C1QBP: variants seen among roughly 807,000 people sequenced by gnomAD.
The protein encoded by C1QBP is complement component 1 Q subcomponent-binding protein, mitochondrial.
A neutral mutation model predicts 29.4 loss-of-function variants in C1QBP; 24 were observed. That is an observed-to-expected ratio of 0.82 (90% CI 0.59 to 1.15). C1QBP has a LOEUF of 1.15. Ranked by LOEUF, C1QBP falls within the 50% of genes most tolerant of loss-of-function variation. The probability of loss-of-function intolerance (pLI) is 0.00; values close to 1 mark genes in which losing one functional copy is unlikely to be tolerated. For synonymous variants in C1QBP, 182 were observed against 149.2 expected, an observed-to-expected ratio of 1.22 and a Z score of -1.60; for missense variants, 337 against 355.8, an observed-to-expected ratio of 0.95 and a Z score of 0.43.
In C1QBP at chr17:5,433,780, GAAGTC is replaced by G. The variant is rs1444138320; in HGVS notation, c.478-18_478-14del. 3.1e-6 allele frequency: 5 copies of G among 1,608,102 alleles called. No individual in the cohort carries two copies. Among genetic ancestry groups the G allele is most frequent in the African/African-American group, 1.3e-5 (1 of 74,788 alleles). On this transcript the variant is annotated splice_polypyrimidine_tract_variant and intron_variant, in intron 3 of 5. Transcript: ENST00000225698. Reference sequence around the variant, plus strand: ...ATGTCAGTTCAGGCTGGGGAAACAAGAAGTCAATACATGCTGCTGCTGGAAGGAGA... The same window carrying G: ...ATGTCAGTTCAGGCTGGGGAAACAAGAATACATGCTGCTGCTGGAAGGAGA...
Position 5,439,128 on chromosome 17 carries a change from C to T in C1QBP, c.-55G>A. 2 of 1,531,986 alleles carry T rather than the reference C, an allele frequency of 1.3e-6. No individual in the cohort carries two copies. Among genetic ancestry groups the T allele is most frequent in the Non-Finnish European group, 1.8e-6 (2 of 1,139,656 alleles). The allele number at this position is 1,531,986 out of a possible 1,614,324, so 94.9% of individuals were successfully genotyped here. A position where few individuals can be genotyped will look rare whatever the true frequency, so the allele number is the denominator to read the frequency against. On this transcript the variant is annotated 5_prime_UTR_variant, in exon 1 of 6. Transcript: ENST00000225698. Reference sequence around the variant, plus strand: ...GCAAAGGACAACCCAGGCCTAGGCGCCCCGCGACCTGAGGCGCCGCCGGAA... The same window carrying T: ...GCAAAGGACAACCCAGGCCTAGGCGTCCCGCGACCTGAGGCGCCGCCGGAA...
rs761889160 is a variant in C1QBP, at chr17:5,433,347, G to A, written c.645C>T (p.Gly215=). Residue 215 remains glycine, a synonymous_variant, in exon 5 of 6, where the codon GGC becomes GGT. Transcript: ENST00000225698. ...SIREVSFQST[G]ESEWKDTNYT... is the part of the protein sequence containing the mutation. ...AATTAGTATCCTTCCATTCAGACTC[G>A]CCAGTGGACTGAAAGCTAACTTCCC... is the stretch of plus-strand genomic sequence containing the variant. 12 of 1,614,014 alleles carry A rather than the reference G, an allele frequency of 7.4e-6. No individual in the cohort carries two copies. The highest frequency in any genetic ancestry group is 1.3e-5 in the African/African-American group (1 of 74,970).
Position 5,438,136 on chromosome 17 carries a change from C to T in C1QBP, c.370G>A (p.Val124Ile). ...ACCAGTACTTACTTTTCCCCGGCAA[C>T]TTTCCGCACTAATTTCGCTTCTGTC... ...NGTEAKLVRKVAGEKITVTFN... is the reference protein window; with the variant it reads ...NGTEAKLVRKIAGEKITVTFN... Residue 124 changes from valine to isoleucine, a missense_variant, in exon 2 of 6, where the codon GTT becomes ATT. Coordinates refer to ENST00000225698, the MANE Select transcript of C1QBP (RefSeq NM_001212.4). 6.2e-7 allele frequency: 1 copy of T among 1,612,256 alleles called. No homozygotes were observed. The highest frequency in any genetic ancestry group is 1.1e-5 in the South Asian group (1 of 90,976).
intron 4 of C1QBP, 64 bp downstream of exon 4, chr17:5,433,605 G>C: frequency 6.4e-7 from 1 of 1,562,702 alleles, no homozygotes. Context: ...ATAGGGACAG[G>C]AAGTTCCCAA....
chr17:5,437,821 T>C lies in C1QBP; in HGVS notation c.383+302A>G, dbSNP rs181849522. ...GTTACATATTTTTCATTTTCACCCA[T>C]ACTAAACATTAGAGAGCAGTGTCCT... is the stretch of plus-strand genomic sequence containing the variant. On this transcript the variant is annotated intron_variant, in intron 2 of 5. Transcript: ENST00000225698. Among the ~76,000 whole-genome samples, 15 of 152,364 alleles carry C rather than the reference T, an allele frequency of 9.8e-5. No individual in the cohort carries two copies. In the East Asian group the frequency reaches 2.7e-3, roughly 27 times the overall value.
intron 2 of C1QBP, among the ~76,000 whole-genome samples, chr17:5,435,332 C>G (rs1015601810): frequency 1.3e-5 from 2 of 152,192 alleles, no homozygotes; most frequent in Non-Finnish European, 2.9e-5. Context: ...ACACTGCCCA[C>G]CCTGGTCTTT....
chr17:5,435,414 T>C (rs898511363), intron 2 of C1QBP, among the ~76,000 whole-genome samples: 1 of 152,098 alleles, frequency 6.6e-6, no homozygotes, highest in African/African-American at 2.4e-5. Flanking sequence ...TTAAGAGACT[T>C]TCCCCGTCAG....
At chr17:5,433,827 G>T in intron 3 of C1QBP, 60 bp from the exon 4 acceptor site, 1 of 1,443,226 alleles carries the variant, frequency 6.9e-7, no homozygotes, top group Non-Finnish European at 9.8e-7. Context: ...GCTGGATCAA[G>T]GATCTCTGTT....
rs1916121405 is a variant in C1QBP, at chr17:5,432,852, A to ATGAT, written c.*159_*162dup. On this transcript the variant is annotated 3_prime_UTR_variant, in exon 6 of 6. Coordinates refer to ENST00000225698, the MANE Select transcript of C1QBP (RefSeq NM_001212.4). ...AAATAATAGATTTGTACAGAAAAAAATGATAATAAATGAGAACACAAAACA... is the reference window on the plus strand; with the variant it reads ...AAATAATAGATTTGTACAGAAAAAAATGATTGATAATAAATGAGAACACAAAACA... 5 of 950,792 alleles carry ATGAT rather than the reference A, an allele frequency of 5.3e-6. No homozygotes were observed. Among genetic ancestry groups the ATGAT allele is most frequent in the African/African-American group, 1.7e-5 (1 of 60,046 alleles). 58.9% of individuals were successfully genotyped at this position (950,792 alleles called of 1,614,324 possible).
rs925979398 is a variant in C1QBP, at chr17:5,433,854, C to T, written c.478-87G>A. The T allele has an allele frequency of 6.3e-6, 7 of 1,108,980 alleles. No individual in the cohort carries two copies. In the Admixed American group the frequency reaches 1.2e-4, roughly 19 times the overall value. 68.7% of individuals were successfully genotyped at this position (1,108,980 alleles called of 1,614,324 possible). ...ATCTCTGTTCAGAGTGTCTGATGGC[C>T]ACCACTATTAGGATATTATGTAGCC... On this transcript the variant is annotated intron_variant, in intron 3 of 5. Transcript: ENST00000225698.
intron 2 of C1QBP, among the ~76,000 whole-genome samples, 165 bp downstream of exon 2, chr17:5,437,958 G>C (rs924297008): frequency 1.3e-5 from 2 of 152,140 alleles, no homozygotes; most frequent in Admixed American, 6.5e-5. Context: ...TCGGTGAATG[G>C]ACTGCCTGGG....
chr17:5,433,643 A>G, intron 4 of C1QBP, 26 bp downstream of exon 4: 1 of 1,605,402 alleles, frequency 6.2e-7, no homozygotes, highest in East Asian at 2.2e-5. Context: ...AGGGGTGCCA[A>G]GAGGCTAGCA....
chr17:5,433,821 G>C, intron 3 of C1QBP, 54 bp from the exon 4 acceptor site: 1 of 1,457,676 alleles, frequency 6.9e-7, no homozygotes, highest in Non-Finnish European at 9.6e-7. Context: ...TGGATGGCTG[G>C]ATCAAGGATC....
Position 5,432,785 on chromosome 17 carries a change from G to A in C1QBP, c.*230C>T. 1.3e-6 allele frequency: 1 copy of A among 772,858 alleles called. No homozygotes were observed. The allele number at this position is 772,858 out of a possible 1,614,324, so 47.9% of individuals were successfully genotyped here. On this transcript the variant is annotated 3_prime_UTR_variant, in exon 6 of 6. Transcript: ENST00000225698. ...GAAAAAGACAAACTGCCTTGGAGGA[G>A]ATAAACCAATTTTATGTCTATCATG...
At position 5,433,168 on chromosome 17, in the gene C1QBP, C is replaced by G. The variant is rs1916144726; in HGVS notation, c.700-4G>C. 1 of 1,610,622 alleles carries G rather than the reference C, an allele frequency of 6.2e-7. No homozygotes were observed. The highest frequency in any genetic ancestry group is 8.5e-7 in the Non-Finnish European group (1 of 1,179,158). ...CCATTAGGTGGTCATATAAGGCCTG[C>G]AAAGAACAATATTTACTAGTTAAAA... On this transcript the variant is annotated splice_polypyrimidine_tract_variant and splice_region_variant and intron_variant, in intron 5 of 5. Transcript: ENST00000225698.
chr17:5,436,299 A>G (rs1482468397), intron 2 of C1QBP, among the ~76,000 whole-genome samples: 1 of 151,358 alleles, frequency 6.6e-6, no homozygotes, highest in Non-Finnish European at 1.5e-5. Flanking sequence ...GAGATTACAG[A>G]AGACACAATT....
intron 2 of C1QBP, among the ~76,000 whole-genome samples, chr17:5,435,947 G>A (rs1916259995): frequency 1.3e-5 from 2 of 148,944 alleles, no homozygotes; most frequent in South Asian, 2.1e-4. Context: ...TCAGGAGGCT[G>A]AGGCAGGAGA....
chr17:5,436,795 G>A (rs537614991), intron 2 of C1QBP, among the ~76,000 whole-genome samples: 36 of 152,250 alleles, frequency 2.4e-4, no homozygotes, highest in African/African-American at 5.5e-4. Context: ...CAAGGCGGGC[G>A]GATCACGAGG....
chr17:5,436,044 GA>G (rs556979926), intron 2 of C1QBP, among the ~76,000 whole-genome samples: 22,503 of 85,164 alleles, frequency 0.26, 3,573 homozygotes, highest in East Asian at 0.8. Context: ...GACTCTGTCA[GA>G]AAAAAAAAAA....
Sources: allele counts gnomAD v4.1 joint callset (sites outside exome capture counted in the v4.1 genomes callset), GRCh38; gene constraint gnomAD v4.1.1; transcripts MANE v1.5; gene names NCBI Gene and HGNC (gene_info 2026-07-23, HGNC 2026-07-21).